PTPN1: variants seen among roughly 807,000 people sequenced by gnomAD.
PTPN1 encodes tyrosine-protein phosphatase non-receptor type 1.
In PTPN1, 12 loss-of-function variants were observed where a neutral mutation model predicts 59.9. The ratio of observed to expected loss-of-function variants is 0.20; its 90% CI spans 0.13 to 0.32. PTPN1 has a LOEUF of 0.32. PTPN1 is among the 10% of genes least tolerant of loss of function. The probability of loss-of-function intolerance (pLI) is 1.00; values close to 1 mark genes in which losing one functional copy is unlikely to be tolerated. For synonymous variants in PTPN1, 178 were observed against 203.6 expected, an observed-to-expected ratio of 0.87 and a Z score of 1.07; for missense variants, 356 against 549.2, an observed-to-expected ratio of 0.65 and a Z score of 3.52.
At chr20:50,553,887 A>G (rs2082714259) in intron 1 of PTPN1, among the ~76,000 whole-genome samples, 1 of 152,228 alleles carries the variant, frequency 6.6e-6, no homozygotes. Flanking sequence ...GCACTGCAGA[A>G]GAAAAAAACA....
chr20:50,563,519 A>G (rs965998143), intron 2 of PTPN1, among the ~76,000 whole-genome samples: 2 of 152,166 alleles, frequency 1.3e-5, no homozygotes, highest in African/African-American at 2.4e-5. Context: ...TAACCAACCA[A>G]TACCATTATG....
Position 50,583,513 on chromosome 20 carries a change from T to G in PTPN1, c.*798T>G, listed in dbSNP as rs902478281. ...TGTGTATTAGAATGCATGTAAGGTC[T>G]TCTTGTGTCCTGATGAAAAATATGT... On this transcript the variant is annotated 3_prime_UTR_variant, in exon 10 of 10. Coordinates refer to ENST00000371621, the MANE Select transcript of PTPN1 (RefSeq NM_002827.4). The G allele has an allele frequency of 6.6e-6, 1 of 152,290 alleles. No individual in the cohort carries two copies. Among genetic ancestry groups the G allele is most frequent in the Non-Finnish European group, 1.5e-5 (1 of 68,066 alleles). The allele number at this position is 152,290 out of a possible 1,614,324, so 9.4% of individuals were successfully genotyped here. A position where few individuals can be genotyped will look rare whatever the true frequency, so the allele number is the denominator to read the frequency against.
chr20:50,527,648 C>T (rs1422855226), intron 1 of PTPN1, among the ~76,000 whole-genome samples: 3 of 152,146 alleles, frequency 2.0e-5, no homozygotes, highest in African/African-American at 4.8e-5. Flanking sequence ...TGTGAGCCAC[C>T]GCACCTGGCC....
intron 5 of PTPN1, among the ~76,000 whole-genome samples, chr20:50,577,319 T>G (rs926738008): frequency 5.3e-5 from 8 of 152,218 alleles, no homozygotes; most frequent in Non-Finnish European, 1.0e-4. Context: ...GAAGGCATCA[T>G]GAGCAGATCT....
intron 3 of PTPN1, 23 bp downstream of exon 3, chr20:50,565,092 C>A: frequency 6.3e-7 from 1 of 1,599,660 alleles, no homozygotes; most frequent in Non-Finnish European, 8.5e-7. Flanking sequence ...TCTGAATTTT[C>A]TATTTAATGT....
chr20:50,565,735 G>A (rs2082775742), intron 3 of PTPN1, among the ~76,000 whole-genome samples: 1 of 151,950 alleles, frequency 6.6e-6, no homozygotes, highest in African/African-American at 2.4e-5. Context: ...CCTGTAAGTT[G>A]GTCTAAAAAG....
chr20:50,532,451 G>A (rs2082605651), intron 1 of PTPN1, among the ~76,000 whole-genome samples: 1 of 152,140 alleles, frequency 6.6e-6, no homozygotes, highest in Non-Finnish European at 1.5e-5. Flanking sequence ...AGTCCTTAAC[G>A]CACAAATGTG....
At chr20:50,516,131 G>C (rs972202207) in intron 1 of PTPN1, among the ~76,000 whole-genome samples, 63 of 152,124 alleles carry the variant, frequency 4.1e-4, no homozygotes, top group Admixed American at 1.3e-4. Flanking sequence ...CAAGCCTAGC[G>C]GGCCTTTGCA....
At chr20:50,514,478 TG>T (rs1269030377) in intron 1 of PTPN1, among the ~76,000 whole-genome samples, 13 of 152,228 alleles carry the variant, frequency 8.5e-5, no homozygotes, top group Admixed American at 5.2e-4. Context: ...CTTGTGATCT[TG>T]TAGATTACAG....
At position 50,525,764 on chromosome 20, in the gene PTPN1, CTCTT is replaced by C. The variant is rs148768481; in HGVS notation, c.63+15179_63+15182del. ...TTTTTGAATGATGAGTTTTTTTTTTCTCTTTCTTGTTTTCTTTTGGAGTCATTTA... is the reference window on the plus strand; with the variant it reads ...TTTTTGAATGATGAGTTTTTTTTTTCTCTTGTTTTCTTTTGGAGTCATTTA... On this transcript the variant is annotated intron_variant, in intron 1 of 9. Transcript: ENST00000371621. 1.1e-4 allele frequency among the ~76,000 whole-genome samples: 17 copies of C among 149,206 alleles called. No homozygotes were observed. The East Asian group carries it at 2.3e-3, about 20-fold the overall frequency.
At chr20:50,565,210 A>T (rs1326969492) in intron 3 of PTPN1, 141 bp downstream of exon 3, 2 of 820,258 alleles carry the variant, frequency 2.4e-6, no homozygotes, top group East Asian at 5.7e-5. Context: ...GAAGGGGGAA[A>T]AATCATCCTT....
intron 8 of PTPN1, 138 bp downstream of exon 8, chr20:50,580,064 C>T (rs2082858325): frequency 7.7e-6 from 6 of 776,324 alleles, no homozygotes; most frequent in Admixed American, 2.5e-5. Flanking sequence ...GAACAGGGCG[C>T]GTGGACCACA....
chr20:50,539,491 A>G (rs2122747842), intron 1 of PTPN1, among the ~76,000 whole-genome samples: 1 of 152,282 alleles, frequency 6.6e-6, no homozygotes, highest in East Asian at 1.9e-4. Context: ...AAATGTTTGG[A>G]TCACATTTTC....
chr20:50,548,129 C>T (rs1379676514), intron 1 of PTPN1, among the ~76,000 whole-genome samples: 1 of 152,140 alleles, frequency 6.6e-6, no homozygotes, highest in Non-Finnish European at 1.5e-5. Flanking sequence ...GTCCCCCTTG[C>T]CTCTGAACTG....
At chr20:50,565,181 C>T (rs777186710) in intron 3 of PTPN1, 112 bp downstream of exon 3, 5 of 1,119,780 alleles carry the variant, frequency 4.5e-6, no homozygotes, top group Non-Finnish European at 6.2e-6. Context: ...AGGATTTCAG[C>T]ATACCAAAAA....
At chr20:50,540,044 T>C (rs1056144766) in intron 1 of PTPN1, among the ~76,000 whole-genome samples, 1 of 152,096 alleles carries the variant, frequency 6.6e-6, no homozygotes, top group Non-Finnish European at 1.5e-5. Context: ...TTTTTTAAAC[T>C]TCATTTATTA....
In PTPN1 at chr20:50,584,024, G is replaced by A. The variant is rs1231157481; in HGVS notation, c.*1309G>A. The A allele has an allele frequency of 1.3e-5, 2 of 152,666 alleles. No homozygotes were observed. The highest frequency in any genetic ancestry group is 2.4e-5 in the African/African-American group (1 of 41,464). 9.5% of individuals were successfully genotyped at this position (152,666 alleles called of 1,614,324 possible). On this transcript the variant is annotated 3_prime_UTR_variant, in exon 10 of 10. Transcript: ENST00000371621. ...CGTCTCTGTCCCGGTTCACCTTGCCGAGAGAGGCGCGTCTGCCCCACCCTC... is the reference window on the plus strand; with the variant it reads ...CGTCTCTGTCCCGGTTCACCTTGCCAAGAGAGGCGCGTCTGCCCCACCCTC...
At chr20:50,578,877 C>G (rs1005002080) in intron 6 of PTPN1, among the ~76,000 whole-genome samples, 3 of 152,198 alleles carry the variant, frequency 2.0e-5, no homozygotes, top group African/African-American at 7.2e-5. Flanking sequence ...CTGGGGAGGC[C>G]TCAGGGAGCT....
chr20:50,570,996 TC>T (rs1230617416), intron 4 of PTPN1: 1 of 152,376 alleles, frequency 6.6e-6, no homozygotes, highest in East Asian at 1.9e-4. Context: ...CTTATTTATT[TC>T]TTTGTTGCTA....
Sources: gnomAD v4.1 joint callset for allele counts (sites outside exome capture counted in the v4.1 genomes callset) on GRCh38, gnomAD v4.1.1 for gene constraint, MANE v1.5 for transcripts, NCBI Gene and HGNC (gene_info 2026-07-23, HGNC 2026-07-21) for gene names.